The following SLIT3 variants were observed in gnomAD, a reference collection of about 807,000 sequenced individuals.
SLIT3 encodes the protein slit guidance ligand 3.
Under a neutral mutation model 184.0 loss-of-function variants are expected in SLIT3, and 68 were observed. The observed-to-expected ratio is 0.37, with a 90% CI of 0.30 to 0.45. The LOEUF is 0.45. SLIT3 is among the 20% of genes least tolerant of loss of function. SLIT3 has a pLI of 1.00. For missense variants in SLIT3, 1,707 were observed against 2,026.0 expected (o/e 0.84, Z 3.02); for synonymous variants, 831 against 828.6 (o/e 1.00, Z -0.05).
chr5:168,711,066 G>A lies in SLIT3; in HGVS notation c.2556-8C>T. ...GGGTTGGTTCCCAGCGCCCTAGGAG[G>A]CAGAACAGGAAGTCAGGGCCCCCTG... On this transcript the variant is annotated splice_polypyrimidine_tract_variant and splice_region_variant and intron_variant, in intron 24 of 35. Coordinates refer to ENST00000519560, the MANE Select transcript of SLIT3 (RefSeq NM_003062.4). 6.4e-7 allele frequency: 1 copy of A among 1,562,490 alleles called. No homozygotes were observed. Among genetic ancestry groups the A allele is most frequent in the South Asian group, 1.2e-5 (1 of 83,634 alleles).
chr5:169,207,497 A>T (rs953690448), intron 3 of SLIT3, among the ~76,000 whole-genome samples: 8 of 152,148 alleles, frequency 5.3e-5, no homozygotes, highest in African/African-American at 1.9e-4. Flanking sequence ...TAGTTACCTA[A>T]CACAAATAAC....
At chr5:169,105,501 C>A (rs928460773) in intron 4 of SLIT3, among the ~76,000 whole-genome samples, 6 of 152,210 alleles carry the variant, frequency 3.9e-5, no homozygotes, top group African/African-American at 1.4e-4. Context: ...CAAAGTCACG[C>A]CAAGCGTTAC....
intron 25 of SLIT3, among the ~76,000 whole-genome samples, chr5:168,709,491 T>G (rs954567011): frequency 6.6e-6 from 1 of 152,202 alleles, no homozygotes. Context: ...TCAGTAATTT[T>G]AAAAGCTCCT....
At chr5:169,194,267 A>G (rs1170992009) in intron 3 of SLIT3, among the ~76,000 whole-genome samples, 8 of 148,488 alleles carry the variant, frequency 5.4e-5, no homozygotes, top group African/African-American at 1.7e-4. Flanking sequence ...AAAAAAGAAG[A>G]AAAAGAAACC....
chr5:168,725,312 G>T (rs139621279), intron 20 of SLIT3, among the ~76,000 whole-genome samples: 4 of 152,296 alleles, frequency 2.6e-5, no homozygotes, highest in East Asian at 1.9e-4. Context: ...ACGTCTCATT[G>T]TAATTATGTA....
chr5:169,129,053 C>T (rs1205188050), intron 4 of SLIT3, among the ~76,000 whole-genome samples: 4 of 152,070 alleles, frequency 2.6e-5, no homozygotes, highest in Non-Finnish European at 4.4e-5. Context: ...GGCAGGGGAG[C>T]GGGGGTTATA....
In SLIT3 at chr5:168,981,462, T is replaced by C. The variant is rs1754944262; in HGVS notation, c.414-98126A>G. 2.0e-5 allele frequency among the ~76,000 whole-genome samples: 3 copies of C among 152,138 alleles called. No homozygotes were observed. The East Asian group carries it at 5.8e-4, about 29-fold the overall frequency. On this transcript the variant is annotated intron_variant, in intron 4 of 35. Coordinates refer to ENST00000519560, the MANE Select transcript of SLIT3 (RefSeq NM_003062.4). ...CTTCCTAAGCAGTAGCACCAATGCA[T>C]GTGGTGGAGGTTCCATGCGCAGAGC...
At chr5:168,671,552 A>T (rs1761245750) in intron 33 of SLIT3, 69 bp from the exon 34 acceptor site, 1 of 1,506,718 alleles carries the variant, frequency 6.6e-7, no homozygotes, top group African/African-American at 1.4e-5. Context: ...TCAGAGCGAA[A>T]AAGCACTTTT....
At chr5:168,847,806 T>C (rs957861476) in intron 5 of SLIT3, among the ~76,000 whole-genome samples, 1 of 152,142 alleles carries the variant, frequency 6.6e-6, no homozygotes, top group Non-Finnish European at 1.5e-5. Flanking sequence ...AGTTTGCTTC[T>C]GGGGTTTGAT....
chr5:169,040,759 T>C (rs1757421049), intron 4 of SLIT3, among the ~76,000 whole-genome samples: 1 of 152,224 alleles, frequency 6.6e-6, no homozygotes, highest in Non-Finnish European at 1.5e-5. Context: ...CCTCAATCAA[T>C]TATCCCTTTT....
chr5:169,065,861 G>A (rs947748556), intron 4 of SLIT3, among the ~76,000 whole-genome samples: 14 of 152,204 alleles, frequency 9.2e-5, no homozygotes, highest in Non-Finnish European at 1.3e-4. Flanking sequence ...AAAGTAACAC[G>A]TTTGAGTAGA....
intron 20 of SLIT3, among the ~76,000 whole-genome samples, chr5:168,730,664 A>G (rs1037489107): frequency 7.9e-5 from 12 of 152,010 alleles, no homozygotes; most frequent in African/African-American, 2.9e-4. Flanking sequence ...AAATTAAAAA[A>G]AAATCCAAAT....
At chr5:168,856,821 G>T (rs73805258) in intron 5 of SLIT3, among the ~76,000 whole-genome samples, 1 of 149,704 alleles carries the variant, frequency 6.7e-6, no homozygotes, top group Non-Finnish European at 1.5e-5. Flanking sequence ...GCGCGCGCAC[G>T]CCTTTGTTCA....
intron 4 of SLIT3, among the ~76,000 whole-genome samples, chr5:168,979,699 G>T (rs1754887146): frequency 6.6e-6 from 1 of 152,274 alleles, no homozygotes; most frequent in East Asian, 1.9e-4. Context: ...GATTCCCAAG[G>T]TGCTCTGTTT....
At chr5:168,890,716 T>C (rs1760422728) in intron 4 of SLIT3, among the ~76,000 whole-genome samples, 1 of 152,194 alleles carries the variant, frequency 6.6e-6, no homozygotes, top group East Asian at 1.9e-4. Flanking sequence ...AGGTTGGCCA[T>C]GGGTTGATAC....
At position 168,765,776 on chromosome 5, in the gene SLIT3, TAAA is replaced by T. The variant is rs538066247; in HGVS notation, c.1460-3090_1460-3088del. Among the ~76,000 whole-genome samples, 492 of 152,272 alleles carry T rather than the reference TAAA, an allele frequency of 3.2e-3. 1 individual carries two copies. Among genetic ancestry groups the T allele is most frequent in the Non-Finnish European group, 5.4e-3 (368 of 68,014 alleles). ...TCCCAGAGGATTTGAAGAAGGGCCA[TAAA>T]ACTCAACCTCGGCTGAAACCAGCCT... On this transcript the variant is annotated intron_variant, in intron 14 of 35. Transcript: ENST00000519560.
At chr5:169,257,099 A>AT (rs1275945608) in intron 1 of SLIT3, among the ~76,000 whole-genome samples, 1 of 152,172 alleles carries the variant, frequency 6.6e-6, no homozygotes, top group African/African-American at 2.4e-5. Context: ...GAGCATACAG[A>AT]TAGATTACAT....
intron 1 of SLIT3, among the ~76,000 whole-genome samples, chr5:169,292,950 C>G (rs924016583): frequency 3.3e-5 from 5 of 152,158 alleles, no homozygotes; most frequent in Non-Finnish European, 7.3e-5. Flanking sequence ...TGAAAAGGTT[C>G]TTTTGAATGC....
chr5:168,864,754 C>T (rs1312817761), intron 5 of SLIT3, among the ~76,000 whole-genome samples: 1 of 152,210 alleles, frequency 6.6e-6, no homozygotes, highest in African/African-American at 2.4e-5. Flanking sequence ...GCCATATATA[C>T]TGATGAAGGC....
Sources: allele counts gnomAD v4.1 joint callset (sites outside exome capture counted in the v4.1 genomes callset), GRCh38; gene constraint gnomAD v4.1.1; transcripts MANE v1.5; gene names NCBI Gene and HGNC (gene_info 2026-07-23, HGNC 2026-07-21).